Variants in CHLSN observed in about 807,000 individuals in gnomAD.
The protein encoded by CHLSN is protein cholesin.
At chr7:1,095,332 A>T in the CHLSN span, among the ~76,000 whole-genome samples, 1 of 125,232 alleles carries the variant, frequency 8.0e-6, no homozygotes, top group African/African-American at 3.1e-5. Context: ...ACAGTCACGC[A>T]GCAGCCCCCA....
chr7:1,007,397 G>A, the CHLSN span, among the ~76,000 whole-genome samples: 1 of 152,220 alleles, frequency 6.6e-6, no homozygotes, highest in African/African-American at 2.4e-5. Context: ...CAGCCGTGGC[G>A]TGGCCAGTGG....
the CHLSN span, among the ~76,000 whole-genome samples, chr7:1,072,003 C>A: frequency 6.6e-6 from 1 of 152,208 alleles, no homozygotes; most frequent in Non-Finnish European, 1.5e-5. Context: ...CAAGTGGCAC[C>A]CAACAGTCAC....
At chr7:1,081,959 C>G in the CHLSN span, 3 of 152,242 alleles carry the variant, frequency 2.0e-5, no homozygotes, top group African/African-American at 7.2e-5. Context: ...TGGCTATGAC[C>G]GCACGGGAGA....
the CHLSN span, among the ~76,000 whole-genome samples, chr7:1,009,722 G>A: frequency 6.6e-6 from 1 of 152,216 alleles, no homozygotes; most frequent in Non-Finnish European, 1.5e-5. Flanking sequence ...ACAGTTCCAG[G>A]CAACCCCTGC....
chr7:1,075,299 G>A, the CHLSN span, among the ~76,000 whole-genome samples: 4 of 152,266 alleles, frequency 2.6e-5, no homozygotes, highest in African/African-American at 2.4e-5. Context: ...GGATCACAAG[G>A]TAGGAGATTG....
At chr7:1,001,294 C>T in the CHLSN span, among the ~76,000 whole-genome samples, 2 of 152,152 alleles carry the variant, frequency 1.3e-5, no homozygotes. Context: ...GTTGTGAGCG[C>T]TGCCCAGCTT....
chr7:983,560 G>A, the CHLSN span, among the ~76,000 whole-genome samples: 7 of 152,156 alleles, frequency 4.6e-5, no homozygotes, highest in African/African-American at 1.4e-4. Flanking sequence ...AAGCCACCCC[G>A]TCCCACAGGG....
At chr7:1,092,511 C>T in the CHLSN span, 1 of 1,608,064 alleles carries the variant, frequency 6.2e-7, no homozygotes, top group Admixed American at 1.7e-5. Context: ...TCCGCATGAT[C>T]CTCGCGGTGG....
chr7:1,070,365 GC>G, the CHLSN span, among the ~76,000 whole-genome samples: 1 of 128,832 alleles, frequency 7.8e-6, no homozygotes, highest in African/African-American at 2.7e-5. Context: ...GGGGGGGTCA[GC>G]CCCCCGCCCG....
the CHLSN span, among the ~76,000 whole-genome samples, chr7:1,065,243 C>T: frequency 3.3e-5 from 5 of 152,114 alleles, no homozygotes; most frequent in African/African-American, 4.8e-5. Flanking sequence ...GAAGGTAAAA[C>T]GTACCCCACT....
At chr7:1,013,696 C>G in the CHLSN span, among the ~76,000 whole-genome samples, 1 of 152,194 alleles carries the variant, frequency 6.6e-6, no homozygotes, top group Non-Finnish European at 1.5e-5. Flanking sequence ...GAAGGAAGCA[C>G]CGGCCTGTCA....
At chr7:1,103,297 G>A in the CHLSN span, among the ~76,000 whole-genome samples, 10 of 151,978 alleles carry the variant, frequency 6.6e-5, no homozygotes, top group South Asian at 2.1e-4. Context: ...TGAGATTGTC[G>A]GGTGAAAGCG....
At chr7:1,095,893 G>T in the CHLSN span, among the ~76,000 whole-genome samples, 1 of 152,234 alleles carries the variant, frequency 6.6e-6, no homozygotes, top group Non-Finnish European at 1.5e-5. Flanking sequence ...GGTCACCCAA[G>T]GTCACCAGCC....
chr7:988,671 C>T, the CHLSN span: 1 of 1,600,784 alleles, frequency 6.2e-7, no homozygotes, highest in Non-Finnish European at 8.5e-7. Context: ...CTGGCCAGGA[C>T]CGAGCTCTTC....
the CHLSN span, among the ~76,000 whole-genome samples, chr7:1,085,808 G>C: frequency 6.6e-6 from 1 of 151,756 alleles, no homozygotes; most frequent in Admixed American, 6.6e-5. Context: ...ACACTGGCCT[G>C]GGCAACAGAG....
At chr7:1,002,086 G>A in the CHLSN span, among the ~76,000 whole-genome samples, 1 of 130,580 alleles carries the variant, frequency 7.7e-6, no homozygotes, top group Non-Finnish European at 1.6e-5. Context: ...GAGTCCTCTG[G>A]GTGAGTGGAG....
chr7:1,021,151 G>A, the CHLSN span, among the ~76,000 whole-genome samples: 5 of 151,790 alleles, frequency 3.3e-5, no homozygotes, highest in South Asian at 2.1e-4. Flanking sequence ...TTCCAGTAGG[G>A]ACCTTCTGGT....
At chr7:1,028,770 T>C in the CHLSN span, 6 of 614,734 alleles carry the variant, frequency 9.8e-6, no homozygotes, top group South Asian at 7.7e-5. Context: ...CCATCTCCCC[T>C]AGTCTGCCGC....
the CHLSN span, chr7:986,730 G>A: frequency 8.1e-6 from 13 of 1,610,742 alleles, no homozygotes; most frequent in Middle Eastern, 1.6e-4. Context: ...CTGGAGGCGC[G>A]GAGGCCCCAC....
Sources: gnomAD v4.1 joint callset for allele counts (sites outside exome capture counted in the v4.1 genomes callset) on GRCh38, gnomAD v4.1.1 for gene constraint, MANE v1.5 for transcripts, NCBI Gene and HGNC (gene_info 2026-07-23, HGNC 2026-07-21) for gene names.